The following PCNX4 variants were observed in gnomAD, a reference collection of about 807,000 sequenced individuals.
The protein encoded by PCNX4 is pecanex-like protein 4.
A neutral mutation model predicts 107.2 loss-of-function variants in PCNX4; 103 were observed. That is an observed-to-expected ratio of 0.96 (90% CI 0.82 to 1.13). The LOEUF (loss-of-function observed/expected upper bound fraction) is 1.13, where lower values mean the gene tolerates loss of function less well. Ranked by LOEUF, PCNX4 falls within the 50% of genes most tolerant of loss-of-function variation. The probability of loss-of-function intolerance (pLI) is 0.00; values close to 1 mark genes in which losing one functional copy is unlikely to be tolerated. For synonymous variants in PCNX4, 541 were observed against 481.7 expected (o/e 1.12, Z -1.61); for missense variants, 1,528 against 1,379.4 (o/e 1.11, Z -1.71).
intron 1 of PCNX4, 107 bp downstream of exon 1, chr14:60,092,526 A>T (rs1895323686): frequency 6.6e-6 from 1 of 152,258 alleles, no homozygotes; most frequent in Non-Finnish European, 1.5e-5. Context: ...CACAAGAAAC[A>T]TATTTTTCGT....
chr14:60,141,516 A>G lies in PCNX4; in HGVS notation c.*7295A>G, dbSNP rs900577039. On this transcript the variant is annotated 3_prime_UTR_variant, in exon 11 of 11. Transcript: ENST00000406854. Reference sequence around the variant, plus strand: ...TAACTTTCGGCTTATACACATGACAACTTAGAAGAAATAATCTGATTCTTG... The same window carrying G: ...TAACTTTCGGCTTATACACATGACAGCTTAGAAGAAATAATCTGATTCTTG... 1.3e-5 allele frequency: 2 copies of G among 152,236 alleles called. No individual in the cohort carries two copies. The highest frequency in any genetic ancestry group is 2.9e-5 in the Non-Finnish European group (2 of 68,042). 9.4% of individuals were successfully genotyped at this position (152,236 alleles called of 1,614,324 possible).
chr14:60,137,107 G>A lies in PCNX4; in HGVS notation c.*2886G>A, dbSNP rs2046919017. On this transcript the variant is annotated 3_prime_UTR_variant, in exon 11 of 11. Transcript: ENST00000406854. The stretch of plus-strand genomic sequence containing the variant: ...TTTTAAAATCTGCTTAAAGGCATTA[G>A]AGAACCAAAAGACAGTGAAGAATAA... 1 of 152,218 alleles carries A rather than the reference G, an allele frequency of 6.6e-6. No homozygotes were observed. The highest frequency in any genetic ancestry group is 2.4e-5 in the African/African-American group (1 of 41,460). 9.4% of individuals were successfully genotyped at this position (152,218 alleles called of 1,614,324 possible). A position where few individuals can be genotyped will look rare whatever the true frequency, so the allele number is the denominator to read the frequency against.
intron 8 of PCNX4, 75 bp downstream of exon 8, chr14:60,121,374 A>C (rs1402058744): frequency 4.9e-6 from 7 of 1,427,780 alleles, no homozygotes; most frequent in Non-Finnish European, 5.7e-6. Flanking sequence ...GTTCACATCA[A>C]ACACTCAATT....
rs439332 is a variant in PCNX4 at position 60,144,867 on chromosome 14, T to C, written c.*10646T>C. ...AAGTCATATCTATTAAAAAGTAAAA[T>C]CACAAATTAGTCTTTGATTATTCAG... is the stretch of plus-strand genomic sequence containing the variant. On this transcript the variant is annotated 3_prime_UTR_variant, in exon 11 of 11. Transcript: ENST00000406854. 0.18 allele frequency: 189,176 copies of C among 1,029,008 alleles called. 23,409 individuals carry two copies. Among genetic ancestry groups the C allele is most frequent in the African/African-American group, 0.5 (30,087 of 60,376 alleles). 63.7% of individuals were successfully genotyped at this position (1,029,008 alleles called of 1,614,324 possible). A position where few individuals can be genotyped will look rare whatever the true frequency, so the allele number is the denominator to read the frequency against.
Position 60,115,381 on chromosome 14 carries a change from T to C in PCNX4, c.1277T>C (p.Val426Ala), listed in dbSNP as rs1235230222. 6.3e-7 allele frequency: 1 copy of C among 1,593,296 alleles called. No individual in the cohort carries two copies. Among genetic ancestry groups the C allele is most frequent in the Non-Finnish European group, 8.5e-7 (1 of 1,170,460 alleles). Residue 426 changes from valine (V) to alanine (A), a missense_variant, in exon 4 of 11, where the codon GTG becomes GCG. By Grantham distance (64) the Val-to-Ala change is moderately conservative. Transcript: ENST00000406854. ...IFRNPFYPKDVQTVTVFFEKQ... is the reference protein window; with the variant it reads ...IFRNPFYPKDAQTVTVFFEKQ... ...CGAAATCCCTTTTATCCGAAGGATG[T>C]GCAAACTGTGACTGTATTCTTTGAG...
intron 7 of PCNX4, 69 bp downstream of exon 7, chr14:60,118,761 G>A (rs1895901226): frequency 7.0e-7 from 1 of 1,433,380 alleles, no homozygotes; most frequent in Non-Finnish European, 9.2e-7. Context: ...TAACAAACAG[G>A]AAAACAATCT....
chr14:60,146,229 A>G lies in PCNX4; in HGVS notation c.*12008A>G, dbSNP rs974060577. 1.3e-5 allele frequency: 2 copies of G among 152,000 alleles called. No homozygotes were observed. Among genetic ancestry groups the G allele is most frequent in the African/African-American group, 4.8e-5 (2 of 41,406 alleles). The allele number at this position is 152,000 out of a possible 1,614,324, so 9.4% of individuals were successfully genotyped here. On this transcript the variant is annotated 3_prime_UTR_variant, in exon 11 of 11. Transcript: ENST00000406854. This position sits in a 1 kb window ranked among gnomAD's most constrained non-coding sequence, Gnocchi z 4.9. ...GGCTGTCATTTTTTTAGAAAAACCT[A>G]GATGTAAAAAAAATGCGAGATTTGC...
At position 60,105,249 on chromosome 14, in the gene PCNX4, A is replaced by T. The variant is rs145241331; in HGVS notation, c.-53-2337A>T. On this transcript the variant is annotated intron_variant, in intron 1 of 10. Transcript: ENST00000406854. ...CTCAGCTAGACCAAACTGCTCTGCAAAATTTTCAGAAATGTCTTAAAAGTT... is the reference window on the plus strand; with the variant it reads ...CTCAGCTAGACCAAACTGCTCTGCATAATTTTCAGAAATGTCTTAAAAGTT... Among the ~76,000 whole-genome samples, 6 of 152,308 alleles carry T rather than the reference A, an allele frequency of 3.9e-5. No individual in the cohort carries two copies. The East Asian group carries it at 1.2e-3, about 29-fold the overall frequency.
rs1199733756 is a variant in PCNX4 at position 60,118,187 on chromosome 14, CA to C, written c.1579-135del. ...TAATTATGAGGTTGGAGAAAATTAA[CA>C]AAAAAATCAAAGAATAAGATTTATT... On this transcript the variant is annotated intron_variant, in intron 6 of 10. Coordinates refer to ENST00000406854, the MANE Select transcript of PCNX4 (RefSeq NM_001330177.2). The C allele has an allele frequency of 6.5e-6, 8 of 1,221,640 alleles. No homozygotes were observed. The East Asian group carries it at 1.2e-4, about 18-fold the overall frequency. 75.7% of individuals were successfully genotyped at this position (1,221,640 alleles called of 1,614,324 possible).
At position 60,125,235 on chromosome 14, in the gene PCNX4, G is replaced by A. The variant is rs61529312; in HGVS notation, c.3064G>A (p.Ala1022Thr). Residue 1022 changes from alanine to threonine, a missense_variant, in exon 9 of 11, where the codon GCA (alanine) becomes ACA (threonine). By Grantham distance (58) the Ala-to-Thr change is moderately conservative (BLOSUM62 0). Transcript: ENST00000406854. ...LTEKPELFQLALKAFRYTLKL... is the reference protein window; with the variant it reads ...LTEKPELFQLTLKAFRYTLKL... ...AGAAAAGCCAGAACTGTTTCAACTAGCACTGAAAGCATTCAGGTAATCCAT... is the reference window on the plus strand; with the variant it reads ...AGAAAAGCCAGAACTGTTTCAACTAACACTGAAAGCATTCAGGTAATCCAT... 4.6e-4 allele frequency: 722 copies of A among 1,568,606 alleles called. 5 individuals are homozygous for A. The African/African-American group carries it at 9.1e-3, about 20-fold the overall frequency.
chr14:60,124,939 G>T lies in PCNX4; in HGVS notation c.2768G>T (p.Ser923Ile), dbSNP rs750267165. The change falls in exon 9 of 11, where the codon AGT (serine) becomes ATT (isoleucine). Residue 923 changes from serine (S) to isoleucine (I), a missense_variant. Physicochemically the swap from Ser to Ile is moderately radical, Grantham distance 142. Coordinates refer to ENST00000406854, the MANE Select transcript of PCNX4 (RefSeq NM_001330177.2). ...PAEWRTSCMP[S>I]SKMKEMSSLF... ...GAGTGGAGGACTAGCTGTATGCCCA[G>T]TTCCAAAATGAAGGAGATGAGCTCG... 6.2e-7 allele frequency: 1 copy of T among 1,613,834 alleles called. No homozygotes were observed. The highest frequency in any genetic ancestry group is 1.7e-5 in the Admixed American group (1 of 60,004).
intron 10 of PCNX4, 189 bp downstream of exon 10, chr14:60,126,012 CT>C (rs1896049482): frequency 1.2e-5 from 5 of 408,752 alleles, no homozygotes; most frequent in East Asian, 4.1e-5. Flanking sequence ...GATTTCTCTA[CT>C]TTTGCCAACT....
rs189013229 is a variant in PCNX4 at position 60,118,470 on chromosome 14, C to T, written c.1720C>T (p.Pro574Ser). The change falls in exon 7 of 11, where the codon CCA becomes TCA. Residue 574 changes from proline (P) to serine (S), a missense_variant. Physicochemically the swap from Pro to Ser is moderately conservative, Grantham distance 74. Coordinates refer to ENST00000406854, the MANE Select transcript of PCNX4 (RefSeq NM_001330177.2). ...TLCILNIVFSPFVLVIIVFST... is the reference protein window; with the variant it reads ...TLCILNIVFSSFVLVIIVFST... ...ATGTATACTCAACATTGTCTTTTCTCCATTCGTGTTGGTCATCATAGTTTT... is the reference window on the plus strand; with the variant it reads ...ATGTATACTCAACATTGTCTTTTCTTCATTCGTGTTGGTCATCATAGTTTT... The T allele has an allele frequency of 8.9e-5, 144 of 1,613,636 alleles. No homozygotes were observed. In the African/African-American group the frequency reaches 1.8e-3, roughly 20 times the overall value.
intron 9 of PCNX4, 133 bp from the exon 10 acceptor site, chr14:60,125,504 C>T: frequency 1.3e-6 from 1 of 785,520 alleles, no homozygotes; most frequent in Non-Finnish European, 1.8e-6. Context: ...TGCATCATTT[C>T]TTCCTCCACT....
At position 60,124,665 on chromosome 14, in the gene PCNX4, A is replaced by G. The variant is rs375288337; in HGVS notation, c.2494A>G (p.Thr832Ala). The G allele has an allele frequency of 3.1e-6, 5 of 1,613,502 alleles. No homozygotes were observed. In the African/African-American group the frequency reaches 5.3e-5, roughly 17 times the overall value. The change falls in exon 9 of 11, where the codon ACT becomes GCT. Residue 832 changes from threonine (T) to alanine (A), a missense_variant. By Grantham distance (58) the Thr-to-Ala change is moderately conservative. Transcript: ENST00000406854. ...SDDNIFDDEP[T>A]IKKVIEEKHQ... Reference sequence around the variant, plus strand: ...TGATAATATTTTTGATGATGAGCCAACTATCAAAAAAGTAATAGAAGAAAA... The same window carrying G: ...TGATAATATTTTTGATGATGAGCCAGCTATCAAAAAAGTAATAGAAGAAAA...
chr14:60,120,080 A>T (rs1289409141), intron 7 of PCNX4, among the ~76,000 whole-genome samples: 1 of 152,158 alleles, frequency 6.6e-6, no homozygotes, highest in African/African-American at 2.4e-5. Flanking sequence ...CCCAGGTTTG[A>T]TGGTTCACTA....
At chr14:60,100,941 A>G (rs1204468847) in intron 1 of PCNX4, among the ~76,000 whole-genome samples, 1 of 152,208 alleles carries the variant, frequency 6.6e-6, no homozygotes, top group African/African-American at 2.4e-5. Context: ...GATCCAAGAG[A>G]TAATCAACTA....
intron 4 of PCNX4, 27 bp from the exon 5 acceptor site, chr14:60,115,692 A>G (rs766217857): frequency 2.5e-6 from 4 of 1,583,410 alleles, no homozygotes; most frequent in Non-Finnish European, 3.5e-6. Context: ...GCCTTAATTA[A>G]ATTTCTCTCT....
chr14:60,124,939 G>C lies in PCNX4; in HGVS notation c.2768G>C (p.Ser923Thr), dbSNP rs750267165. Reference protein sequence around the residue: ...PAEWRTSCMPSSKMKEMSSLF... With the variant: ...PAEWRTSCMPTSKMKEMSSLF... ...GAGTGGAGGACTAGCTGTATGCCCA[G>C]TTCCAAAATGAAGGAGATGAGCTCG... Residue 923 changes from serine to threonine, a missense_variant, in exon 9 of 11, where the codon AGT becomes ACT. Coordinates refer to ENST00000406854, the MANE Select transcript of PCNX4 (RefSeq NM_001330177.2). The C allele has an allele frequency of 6.2e-7, 1 of 1,613,834 alleles. No homozygotes were observed. Among genetic ancestry groups the C allele is most frequent in the East Asian group, 2.2e-5 (1 of 44,880 alleles).
Sources: allele counts gnomAD v4.1 joint callset (sites outside exome capture counted in the v4.1 genomes callset), GRCh38; gene constraint gnomAD v4.1.1; non-coding constraint Gnocchi (gnomAD v3.1); transcripts MANE v1.5; gene names NCBI Gene and HGNC (gene_info 2026-07-23, HGNC 2026-07-21).